Variants in BCAS3 observed in about 807,000 individuals in gnomAD.
BCAS3 encodes BCAS3 microtubule associated cell migration factor, also known as BCAS4/BCAS3 fusion.
Under a neutral mutation model 116.1 loss-of-function variants are expected in BCAS3, and 53 were observed. That is an observed-to-expected ratio of 0.46 (90% CI 0.37 to 0.57). The LOEUF (loss-of-function observed/expected upper bound fraction) is 0.57, where lower values mean the gene tolerates loss of function less well. BCAS3 is among the 20% of genes least tolerant of loss of function. The pLI is 0.00. For missense variants in BCAS3, 917 were observed against 1,165.4 expected (o/e 0.79, Z 3.10); for synonymous variants, 391 against 408.2 (o/e 0.96, Z 0.51).
intron 22 of BCAS3, among the ~76,000 whole-genome samples, chr17:61,359,300 A>G (rs2058325445): frequency 6.6e-6 from 1 of 152,246 alleles, no homozygotes. Flanking sequence ...TTGTCAAAAG[A>G]CAAAATTATA....
At chr17:61,123,426 A>G (rs928399374) in intron 22 of BCAS3, among the ~76,000 whole-genome samples, 1 of 152,172 alleles carries the variant, frequency 6.6e-6, no homozygotes. Flanking sequence ...AAAAACAACC[A>G]GGGAACCCCT....
intron 19 of BCAS3, among the ~76,000 whole-genome samples, chr17:61,048,690 A>G (rs2068568471): frequency 6.6e-6 from 1 of 151,980 alleles, no homozygotes; most frequent in South Asian, 2.1e-4. Flanking sequence ...CTATTTTCAA[A>G]CCCTCACCTA....
Position 61,029,984 on chromosome 17 carries a change from GATT to G in BCAS3, c.1638-4677_1638-4675del, listed in dbSNP as rs2066514816. 6.6e-6 allele frequency among the ~76,000 whole-genome samples: 1 copy of G among 151,944 alleles called. No individual in the cohort carries two copies. The highest frequency in any genetic ancestry group is 2.1e-4 in the South Asian group (1 of 4,828). ...TGACAGAATAGAATAATTTCAGACA[GATT>G]ATTAATATCTTTAGTTATTTGAAAT... On this transcript the variant is annotated intron_variant, in intron 16 of 23. Coordinates refer to ENST00000407086, the MANE Select transcript of BCAS3 (RefSeq NM_017679.5). The surrounding 1 kb of genome is among the most constrained non-coding windows in gnomAD (Gnocchi z 5.2).
chr17:61,109,434 A>G (rs1000759013), intron 22 of BCAS3, among the ~76,000 whole-genome samples: 10 of 152,026 alleles, frequency 6.6e-5, no homozygotes, highest in Admixed American at 2.6e-4. Flanking sequence ...TTTTTTACAT[A>G]ATGACTTCTT....
chr17:60,914,364 G>A (rs762300023), intron 12 of BCAS3, among the ~76,000 whole-genome samples: 24 of 152,128 alleles, frequency 1.6e-4, no homozygotes, highest in Non-Finnish European at 2.5e-4. Flanking sequence ...AGAATCTTAC[G>A]TAGTGGTAAG....
At chr17:61,110,925 G>T (rs939213187) in intron 22 of BCAS3, among the ~76,000 whole-genome samples, 20 of 152,268 alleles carry the variant, frequency 1.3e-4, no homozygotes, top group African/African-American at 4.3e-4. Context: ...CCTCAAGTGG[G>T]TCCCTGACCC....
intron 14 of BCAS3, among the ~76,000 whole-genome samples, chr17:60,982,739 A>C (rs1385643696): frequency 6.8e-6 from 1 of 146,750 alleles, no homozygotes; most frequent in Admixed American, 6.6e-5. Context: ...CATCAACAAA[A>C]ATTTTGTCAA....
Position 61,051,241 on chromosome 17 carries a change from A to G in BCAS3, c.2029+10349A>G, listed in dbSNP as rs1403787603. Among the ~76,000 whole-genome samples the G allele has an allele frequency of 6.6e-6, 1 of 152,018 alleles. No homozygotes were observed. ...GATTTCATTTATATAACATTCTCAA[A>G]ATGACAAAATTATAGAGATAGATAA... On this transcript the variant is annotated intron_variant, in intron 19 of 23. Transcript: ENST00000407086. The surrounding 1 kb of genome is among the most constrained non-coding windows in gnomAD (Gnocchi z 4.1).
chr17:61,232,444 G>T (rs1008521963), intron 22 of BCAS3, among the ~76,000 whole-genome samples: 1 of 152,100 alleles, frequency 6.6e-6, no homozygotes, highest in Admixed American at 6.5e-5. Context: ...TATCTGGCAG[G>T]GTGGGAGGTT....
Position 60,889,775 on chromosome 17 carries a change from A to G in BCAS3, c.738+4A>G. On this transcript the variant is annotated splice_donor_region_variant and intron_variant, in intron 10 of 23. Coordinates refer to ENST00000407086, the MANE Select transcript of BCAS3 (RefSeq NM_017679.5). ...GCTTGCTTATGCAGAAAACAAGGTA[A>G]GACGTGGCCTGTGTTTGGATTATTT... The G allele has an allele frequency of 6.2e-7, 1 of 1,609,424 alleles. No homozygotes were observed. The highest frequency in any genetic ancestry group is 2.2e-5 in the East Asian group (1 of 44,846).
At chr17:60,813,525 T>C (rs1160391643) in intron 7 of BCAS3, among the ~76,000 whole-genome samples, 1 of 152,222 alleles carries the variant, frequency 6.6e-6, no homozygotes, top group Non-Finnish European at 1.5e-5. Context: ...ATTTGTTGGG[T>C]GCATAGTTAG....
chr17:61,271,502 C>T (rs2050266069), intron 22 of BCAS3, among the ~76,000 whole-genome samples: 1 of 145,860 alleles, frequency 6.9e-6, no homozygotes, highest in East Asian at 2.1e-4. Context: ...TGGCTCACTG[C>T]AACCTCTGTT....
intron 22 of BCAS3, among the ~76,000 whole-genome samples, chr17:61,179,528 G>C (rs905069537): frequency 6.6e-6 from 1 of 152,118 alleles, no homozygotes; most frequent in Non-Finnish European, 1.5e-5. Flanking sequence ...CATGAGGTGG[G>C]GGAGGAGTAG....
At chr17:61,291,061 T>C (rs1255126094) in intron 22 of BCAS3, among the ~76,000 whole-genome samples, 1 of 152,074 alleles carries the variant, frequency 6.6e-6, no homozygotes, top group Non-Finnish European at 1.5e-5. Context: ...ATTACAGACG[T>C]GAGCCACCGC....
intron 16 of BCAS3, among the ~76,000 whole-genome samples, chr17:61,024,277 G>A (rs2066073691): frequency 6.6e-6 from 1 of 152,260 alleles, no homozygotes; most frequent in East Asian, 1.9e-4. Flanking sequence ...TCTTTTACAT[G>A]TATATGGCAG....
chr17:60,929,997 CTG>C (rs902849150), intron 13 of BCAS3, among the ~76,000 whole-genome samples: 7 of 151,908 alleles, frequency 4.6e-5, no homozygotes, highest in Non-Finnish European at 8.8e-5. Context: ...GGTTCCAAGT[CTG>C]TGCTATTGTG....
intron 7 of BCAS3, among the ~76,000 whole-genome samples, chr17:60,823,446 C>A (rs1373332942): frequency 1.3e-5 from 2 of 151,964 alleles, no homozygotes; most frequent in African/African-American, 2.4e-5. Flanking sequence ...TGCCTGTAAT[C>A]CCAAGATTTT....
In BCAS3 at chr17:61,106,466, G is replaced by A. The variant is rs959916396; in HGVS notation, c.2425+21902G>A. Among the ~76,000 whole-genome samples, 4 of 152,208 alleles carry A rather than the reference G, an allele frequency of 2.6e-5. No homozygotes were observed. The highest frequency in any genetic ancestry group is 9.6e-5 in the African/African-American group (4 of 41,462). ...AGGTTATAGCATATAGCTTAGGTGT[G>A]TTGTAGGCTATTCTATCTAGGTTTG... On this transcript the variant is annotated intron_variant, in intron 22 of 23. Transcript: ENST00000407086. The surrounding 1 kb of genome is among the most constrained non-coding windows in gnomAD (Gnocchi z 4.2).
chr17:60,685,450 CAA>C (rs1204965872), intron 3 of BCAS3, among the ~76,000 whole-genome samples: 12 of 54,410 alleles, frequency 2.2e-4, no homozygotes, highest in East Asian at 1.2e-3. Context: ...AACTCCGTCT[CAA>C]AAAAAAAAAA....
Sources: gnomAD v4.1 joint callset for allele counts (sites outside exome capture counted in the v4.1 genomes callset) on GRCh38, gnomAD v4.1.1 for gene constraint, Gnocchi (gnomAD v3.1) non-coding constraint, MANE v1.5 for transcripts, NCBI Gene and HGNC (gene_info 2026-07-23, HGNC 2026-07-21) for gene names.